Variants in OSBPL9 observed in about 807,000 individuals in gnomAD.
The protein encoded by OSBPL9 is oxysterol binding protein like 9.
Under a neutral mutation model 106.6 loss-of-function variants are expected in OSBPL9, and 40 were observed. That is an observed-to-expected ratio of 0.38 (90% CI 0.29 to 0.49). OSBPL9 has a LOEUF of 0.49. Among genes scored for constraint, OSBPL9 ranks in the 20% least tolerant of loss-of-function variants. OSBPL9 has a pLI of 0.97. For synonymous variants in OSBPL9, 269 were observed against 295.4 expected, an observed-to-expected ratio of 0.91 and a Z score of 0.92; for missense variants, 609 against 887.2, an observed-to-expected ratio of 0.69 and a Z score of 3.98.
intron 1 of OSBPL9, among the ~76,000 whole-genome samples, chr1:51,596,774 C>T (rs905874837): frequency 6.6e-6 from 1 of 151,766 alleles, no homozygotes; most frequent in African/African-American, 2.4e-5. Context: ...AGCGAGACTC[C>T]ATCTCAAAAA....
chr1:51,757,006 T>C (rs1433675267), intron 9 of OSBPL9: 1 of 152,246 alleles, frequency 6.6e-6, no homozygotes, highest in Non-Finnish European at 1.5e-5. Context: ...GTTTGTGGTT[T>C]GTGCTTACCC....
upstream of OSBPL9, among the ~76,000 whole-genome samples, chr1:51,614,668 C>T (rs2148607157): frequency 6.6e-6 from 1 of 151,766 alleles, no homozygotes; most frequent in Non-Finnish European, 1.5e-5. Context: ...ATTTATTTCT[C>T]CTGTTGCCTG....
intron 20 of OSBPL9, chr1:51,785,581 G>C (rs1288288999): frequency 1.9e-6 from 1 of 529,046 alleles, no homozygotes; most frequent in Admixed American, 3.7e-5. Flanking sequence ...AGAATAGGAC[G>C]TTCTTGCCCA....
upstream of OSBPL9, among the ~76,000 whole-genome samples, chr1:51,572,251 G>C (rs114774141): frequency 6.6e-6 from 1 of 151,962 alleles, no homozygotes; most frequent in Non-Finnish European, 1.5e-5. Flanking sequence ...TCTACTTAGC[G>C]GACAAAAGCT....
chr1:51,713,896 TA>T, intron 3 of OSBPL9, 106 bp from the exon 4 acceptor site: 1 of 892,348 alleles, frequency 1.1e-6, no homozygotes, highest in Non-Finnish European at 1.7e-6. Flanking sequence ...ATGGTACAAC[TA>T]AAAACCTTTT....
chr1:51,786,095 A>G, intron 21 of OSBPL9: 1 of 547,488 alleles, frequency 1.8e-6, no homozygotes. Context: ...AGTATAGGTA[A>G]TTATAATCAT....
chr1:51,570,015 C>G, the OSBPL9 span, among the ~76,000 whole-genome samples: 3,061 of 152,274 alleles, frequency 0.02, 51 homozygotes, highest in South Asian at 0.035. Context: ...TTTTAAGCCA[C>G]GTTTGTCTGA....
chr1:51,716,271 A>T (rs1267951416), intron 4 of OSBPL9, among the ~76,000 whole-genome samples: 3 of 152,208 alleles, frequency 2.0e-5, no homozygotes, highest in African/African-American at 7.2e-5. Flanking sequence ...ATTTTCTCAG[A>T]TGTAGTGAAG....
the OSBPL9 span, among the ~76,000 whole-genome samples, chr1:51,547,315 A>C: frequency 6.6e-6 from 1 of 152,246 alleles, no homozygotes; most frequent in Non-Finnish European, 1.5e-5. Flanking sequence ...GCAACAATCA[A>C]AAGCAATGGA....
At chr1:51,720,675 T>C (rs532559758) in intron 4 of OSBPL9, among the ~76,000 whole-genome samples, 1 of 152,260 alleles carries the variant, frequency 6.6e-6, no homozygotes, top group African/African-American at 2.4e-5. Flanking sequence ...TTTCAAAAAT[T>C]TAAATGGTTT....
intron 5 of OSBPL9, 111 bp from the exon 6 acceptor site, chr1:51,746,599 A>G: frequency 1.3e-6 from 1 of 753,818 alleles, no homozygotes; most frequent in South Asian, 2.1e-5. Flanking sequence ...CATATAAATC[A>G]TCCCTGGACA....
At chr1:51,742,544 A>G (rs900171385) in intron 4 of OSBPL9, among the ~76,000 whole-genome samples, 1 of 150,782 alleles carries the variant, frequency 6.6e-6, no homozygotes, top group African/African-American at 2.4e-5. Flanking sequence ...GGGTCTTGCA[A>G]CATAGCAAGA....
chr1:51,676,280 A>G (rs1335033025), intron 3 of OSBPL9, among the ~76,000 whole-genome samples: 2 of 152,018 alleles, frequency 1.3e-5, no homozygotes, highest in African/African-American at 4.8e-5. Context: ...AAATACAAAA[A>G]ATTAGCCAGG....
At chr1:51,558,743 G>A in the OSBPL9 span, among the ~76,000 whole-genome samples, 1 of 152,128 alleles carries the variant, frequency 6.6e-6, no homozygotes, top group African/African-American at 2.4e-5. Context: ...CGCTTAGTGA[G>A]CTCTGCATTT....
chr1:51,584,698 A>G (rs1376404256), intron 1 of OSBPL9, among the ~76,000 whole-genome samples: 2 of 152,178 alleles, frequency 1.3e-5, no homozygotes, highest in East Asian at 1.9e-4. Flanking sequence ...CCTGGGCGAT[A>G]AAAGCAAGAC....
the OSBPL9 span, among the ~76,000 whole-genome samples, chr1:51,559,109 T>G: frequency 6.6e-6 from 1 of 152,092 alleles, no homozygotes; most frequent in Admixed American, 6.6e-5. Context: ...ACCATCTTAC[T>G]AGGCTGGGAC....
chr1:51,644,029 A>G (rs1382383330), intron 1 of OSBPL9, among the ~76,000 whole-genome samples: 1 of 148,694 alleles, frequency 6.7e-6, no homozygotes, highest in Non-Finnish European at 1.5e-5. Context: ...ACAGTGAGCC[A>G]AAATTGTGCC....
the OSBPL9 span, among the ~76,000 whole-genome samples, chr1:51,533,056 A>G: frequency 6.6e-6 from 1 of 152,210 alleles, no homozygotes; most frequent in Non-Finnish European, 1.5e-5. Flanking sequence ...ATTGGTAATT[A>G]ATAAATGGTA....
At chr1:51,650,601 G>A (rs537971484) in intron 1 of OSBPL9, among the ~76,000 whole-genome samples, 2 of 152,098 alleles carry the variant, frequency 1.3e-5, no homozygotes, top group African/African-American at 4.8e-5. Flanking sequence ...TTAGTATCTC[G>A]GTAATCACTT....
Sources: gnomAD v4.1 joint callset for allele counts (sites outside exome capture counted in the v4.1 genomes callset) on GRCh38, gnomAD v4.1.1 for gene constraint, MANE v1.5 for transcripts, NCBI Gene and HGNC (gene_info 2026-07-23, HGNC 2026-07-21) for gene names.